GRID1: variants seen among roughly 807,000 people sequenced by gnomAD.
The protein encoded by GRID1 is glutamate receptor ionotropic, delta-1.
In GRID1, 28 loss-of-function variants were observed where a neutral mutation model predicts 98.0. The observed-to-expected ratio is 0.29, with a 90% CI of 0.21 to 0.39. The LOEUF (loss-of-function observed/expected upper bound fraction) is 0.39. Among genes scored for constraint, GRID1 ranks in the 10% least tolerant of loss-of-function variants. The pLI is 1.00. For synonymous variants in GRID1, 553 were observed against 538.5 expected (o/e 1.03, Z -0.37); for missense variants, 1,111 against 1,340.5 (o/e 0.83, Z 2.67).
intron 12 of GRID1, among the ~76,000 whole-genome samples, chr10:85,678,797 C>G (rs958630549): frequency 1.1e-4 from 16 of 152,104 alleles, no homozygotes; most frequent in East Asian, 1.9e-4. Context: ...TCTCCCCTTC[C>G]TCTCACCATT....
At chr10:86,249,064 T>A (rs1846779400) in intron 2 of GRID1, among the ~76,000 whole-genome samples, 1 of 152,198 alleles carries the variant, frequency 6.6e-6, no homozygotes, top group African/African-American at 2.4e-5. Context: ...AGATCAGCAC[T>A]TAACTTTGGT....
rs1487040664 is a variant in GRID1, at chr10:86,281,391, GGGCT to G, written c.236-74747_236-74744del. On this transcript the variant is annotated intron_variant, in intron 2 of 15. Coordinates refer to ENST00000327946, the MANE Select transcript of GRID1 (RefSeq NM_017551.3). ...GAGGGGTTATGGGGTACAGCAAGGT[GGGCT>G]GGCTCTTCAGGGAGAATTTCTCACC... Among the ~76,000 whole-genome samples the G allele has an allele frequency of 4.6e-5, 7 of 152,290 alleles. No homozygotes were observed. The South Asian group carries it at 1.2e-3, about 27-fold the overall frequency.
chr10:86,077,878 G>C (rs1843906085), intron 4 of GRID1, among the ~76,000 whole-genome samples: 2 of 152,250 alleles, frequency 1.3e-5, no homozygotes, highest in African/African-American at 4.8e-5. Context: ...TGACTGAAGG[G>C]ACAGTGACAG....
At chr10:85,893,956 AC>A (rs1242656700) in intron 5 of GRID1, among the ~76,000 whole-genome samples, 3 of 152,190 alleles carry the variant, frequency 2.0e-5, no homozygotes, top group Non-Finnish European at 4.4e-5. Flanking sequence ...CACTTGTCTC[AC>A]CCTAGTCCCA....
At chr10:86,147,009 C>A (rs1845098494) in intron 3 of GRID1, among the ~76,000 whole-genome samples, 1 of 152,232 alleles carries the variant, frequency 6.6e-6, no homozygotes, top group Admixed American at 6.5e-5. Flanking sequence ...CAGGCCTCCC[C>A]CATCATAGGG....
intron 2 of GRID1, among the ~76,000 whole-genome samples, chr10:86,208,826 T>C (rs1846070457): frequency 6.6e-6 from 1 of 152,192 alleles, no homozygotes; most frequent in Non-Finnish European, 1.5e-5. Flanking sequence ...AGAATTTCCA[T>C]GGCCCCAGTC....
chr10:85,838,580 C>T (rs529479803), intron 8 of GRID1, among the ~76,000 whole-genome samples: 1 of 151,718 alleles, frequency 6.6e-6, no homozygotes, highest in African/African-American at 2.4e-5. Flanking sequence ...AGCAAAGGAG[C>T]ATTTTCAGAT....
chr10:86,000,942 A>AC (rs35877786), intron 4 of GRID1, among the ~76,000 whole-genome samples: 117,171 of 152,096 alleles, frequency 0.77, 45,285 homozygotes, highest in South Asian at 0.85. Flanking sequence ...ACTAGAAACA[A>AC]CCACTTGTTC....
At chr10:86,263,373 G>A (rs1589430581) in intron 2 of GRID1, among the ~76,000 whole-genome samples, 1 of 152,080 alleles carries the variant, frequency 6.6e-6, no homozygotes, top group South Asian at 2.1e-4. Context: ...GAAATGAGAC[G>A]GCAGCGGGGA....
At chr10:85,891,745 C>T (rs1458164677) in intron 5 of GRID1, among the ~76,000 whole-genome samples, 1 of 151,880 alleles carries the variant, frequency 6.6e-6, no homozygotes, top group African/African-American at 2.4e-5. Context: ...CAGCTGTGTC[C>T]CAAGGAGGGA....
At chr10:85,705,031 T>C (rs1330586177) in intron 12 of GRID1, among the ~76,000 whole-genome samples, 4 of 152,128 alleles carry the variant, frequency 2.6e-5, no homozygotes, top group Non-Finnish European at 4.4e-5. Context: ...AGATCTAAAA[T>C]TGACAACCTA....
rs571889152 is a variant in GRID1, at chr10:86,192,704, C to T, written c.520+13660G>A. 6.6e-6 allele frequency among the ~76,000 whole-genome samples: 1 copy of T among 152,020 alleles called. No individual in the cohort carries two copies. Among genetic ancestry groups the T allele is most frequent in the East Asian group, 1.9e-4 (1 of 5,178 alleles). ...TTTGTGTTGTATATATATTTTTCCA[C>T]AATAAAACAAAAAACTACAAAAGTA... On this transcript the variant is annotated intron_variant, in intron 3 of 15. Transcript: ENST00000327946. The surrounding 1 kb of genome is among the most constrained non-coding windows in gnomAD (Gnocchi z 4.8).
At chr10:86,245,494 GCTTTACTCCA>G (rs1846709632) in intron 2 of GRID1, among the ~76,000 whole-genome samples, 1 of 142,886 alleles carries the variant, frequency 7.0e-6, no homozygotes, top group South Asian at 2.4e-4. Flanking sequence ...TCTACCATTT[GCTTTACTCCA>G]TTCCTCCTCT....
intron 5 of GRID1, among the ~76,000 whole-genome samples, chr10:85,903,974 A>T (rs976726840): frequency 6.6e-6 from 1 of 152,164 alleles, no homozygotes; most frequent in Non-Finnish European, 1.5e-5. Context: ...TCTCATGGGC[A>T]CCCTATGTAA....
intron 5 of GRID1, among the ~76,000 whole-genome samples, chr10:85,894,201 G>C (rs1159371968): frequency 6.6e-6 from 1 of 152,056 alleles, no homozygotes; most frequent in East Asian, 1.9e-4. Context: ...TTTGACAAAA[G>C]ATCCAAAGTA....
intron 3 of GRID1, among the ~76,000 whole-genome samples, chr10:86,175,853 G>A (rs1301743429): frequency 6.6e-6 from 1 of 152,136 alleles, no homozygotes; most frequent in East Asian, 1.9e-4. Flanking sequence ...GAGATTACAG[G>A]CATGCGCCAC....
chr10:85,671,471 C>A (rs1163066367), intron 12 of GRID1, among the ~76,000 whole-genome samples: 1 of 152,090 alleles, frequency 6.6e-6, no homozygotes, highest in Non-Finnish European at 1.5e-5. Flanking sequence ...CCACAAACTG[C>A]CCTTATAAGA....
At chr10:85,794,872 C>T (rs1405291362) in intron 8 of GRID1, among the ~76,000 whole-genome samples, 2 of 152,174 alleles carry the variant, frequency 1.3e-5, no homozygotes, top group East Asian at 1.9e-4. Context: ...CAAGTGATTG[C>T]TTTTCCTGCC....
chr10:85,734,319 G>T (rs567161829), intron 8 of GRID1, among the ~76,000 whole-genome samples: 1 of 152,114 alleles, frequency 6.6e-6, no homozygotes, highest in Non-Finnish European at 1.5e-5. Flanking sequence ...ATCTTTCTCT[G>T]CTGAGAAAGA....
Sources: gnomAD v4.1 joint callset for allele counts (sites outside exome capture counted in the v4.1 genomes callset) on GRCh38, gnomAD v4.1.1 for gene constraint, Gnocchi (gnomAD v3.1) non-coding constraint, MANE v1.5 for transcripts, NCBI Gene and HGNC (gene_info 2026-07-23, HGNC 2026-07-21) for gene names.